TRHDE: variants seen among roughly 807,000 people sequenced by gnomAD.
TRHDE encodes thyrotropin-releasing hormone-degrading ectoenzyme.
In TRHDE, 72 loss-of-function variants were observed where a neutral mutation model predicts 125.7. That is an observed-to-expected ratio of 0.57 (90% CI 0.47 to 0.70). The LOEUF (loss-of-function observed/expected upper bound fraction) is 0.70. Among genes scored for constraint, TRHDE ranks in the 30% least tolerant of loss-of-function variants. The probability of loss-of-function intolerance (pLI) is 0.00; values close to 1 mark genes in which losing one functional copy is unlikely to be tolerated. For missense variants in TRHDE, 1,110 were observed against 1,327.1 expected (o/e 0.84, Z 2.54); for synonymous variants, 509 against 509.1 (o/e 1.00, Z 0.00).
intron 5 of TRHDE, among the ~76,000 whole-genome samples, chr12:72,475,276 A>G (rs756531006): frequency 2.6e-5 from 4 of 152,142 alleles, no homozygotes; most frequent in Non-Finnish European, 5.9e-5. Context: ...AATTTTTATT[A>G]TACTGTGGAT....
chr12:72,124,339 G>T (rs1212040582), intron 2 of TRHDE, among the ~76,000 whole-genome samples: 1 of 152,092 alleles, frequency 6.6e-6, no homozygotes, highest in African/African-American at 2.4e-5. Flanking sequence ...AGATCATATT[G>T]TCATAGGAGA....
At chr12:72,154,535 G>A (rs1390145078) in intron 2 of TRHDE, among the ~76,000 whole-genome samples, 1 of 152,190 alleles carries the variant, frequency 6.6e-6, no homozygotes, top group Non-Finnish European at 1.5e-5. Flanking sequence ...GCTGATACTG[G>A]TTTTCCTTTC....
At chr12:72,160,629 CAGTGAGCCGAG>C (rs1457444394) in intron 2 of TRHDE, among the ~76,000 whole-genome samples, 3 of 152,084 alleles carry the variant, frequency 2.0e-5, no homozygotes, top group African/African-American at 7.2e-5. Context: ...GCGGAGGTTA[CAGTGAGCCGAG>C]ACTGCGCCAC....
chr12:72,401,284 C>T (rs1018861570), intron 3 of TRHDE, among the ~76,000 whole-genome samples: 8 of 152,144 alleles, frequency 5.3e-5, no homozygotes, highest in Admixed American at 2.6e-4. Flanking sequence ...CCACTGAGGT[C>T]TTGCTATATA....
intron 2 of TRHDE, among the ~76,000 whole-genome samples, chr12:72,227,315 AG>A (rs1418515945): frequency 1.3e-5 from 2 of 152,226 alleles, no homozygotes; most frequent in African/African-American, 4.8e-5. Context: ...AAGAAGACAA[AG>A]GAGAAGAGCA....
rs534193052 is a variant in TRHDE at position 72,273,751 on chromosome 12, A to G, written c.914+194A>G. ...ATGCCTCGGGGTCTCGCTGCCGCCA[A>G]CTTCGCAAACTGACTCACCGGTGCC... is the stretch of plus-strand genomic sequence containing the variant. On this transcript the variant is annotated intron_variant, in intron 1 of 18. Coordinates refer to ENST00000261180, the MANE Select transcript of TRHDE (RefSeq NM_013381.3). This position sits in a 1 kb window ranked among gnomAD's most constrained non-coding sequence, Gnocchi z 5.3. 6 of 565,104 alleles carry G rather than the reference A, an allele frequency of 1.1e-5. No homozygotes were observed. The highest frequency in any genetic ancestry group is 3.7e-5 in the African/African-American group (2 of 53,674). 35.0% of individuals were successfully genotyped at this position (565,104 alleles called of 1,614,324 possible). A position where few individuals can be genotyped will look rare whatever the true frequency, so the allele number is the denominator to read the frequency against.
intron 5 of TRHDE, among the ~76,000 whole-genome samples, chr12:72,478,144 A>T (rs1245919116): frequency 1.3e-5 from 2 of 152,170 alleles, no homozygotes; most frequent in Non-Finnish European, 2.9e-5. Flanking sequence ...CTAGAAGGTG[A>T]TCCAAATGTT....
intron 2 of TRHDE, among the ~76,000 whole-genome samples, chr12:72,352,309 G>T (rs1870618203): frequency 6.6e-6 from 1 of 151,642 alleles, no homozygotes; most frequent in Non-Finnish European, 1.5e-5. Flanking sequence ...TATGGATGCA[G>T]ATAGAAACAA....
intron 2 of TRHDE, among the ~76,000 whole-genome samples, chr12:72,317,041 A>AT (rs1373142923): frequency 1.3e-5 from 2 of 152,220 alleles, no homozygotes; most frequent in African/African-American, 4.8e-5. Context: ...TATACTGAGC[A>AT]TCAGACACTA....
chr12:72,641,583 A>G (rs1441074611), intron 15 of TRHDE, among the ~76,000 whole-genome samples: 1 of 152,140 alleles, frequency 6.6e-6, no homozygotes, highest in Non-Finnish European at 1.5e-5. Context: ...GGTATATTTT[A>G]TTATATGACT....
At position 72,591,864 on chromosome 12, in the gene TRHDE, C is replaced by T. The variant is rs532424662; in HGVS notation, c.2321+16322C>T. Among the ~76,000 whole-genome samples, 38 of 151,450 alleles carry T rather than the reference C, an allele frequency of 2.5e-4. No individual in the cohort carries two copies. In the South Asian group the frequency reaches 7.9e-3, roughly 32 times the overall value. On this transcript the variant is annotated intron_variant, in intron 12 of 18. Coordinates refer to ENST00000261180, the MANE Select transcript of TRHDE (RefSeq NM_013381.3). The stretch of plus-strand genomic sequence containing the variant: ...CTGATGAGAAATCAGCCATTAATTT[C>T]CCATTATTTCTGTATGCAATTGTAT...
intron 2 of TRHDE, among the ~76,000 whole-genome samples, chr12:72,139,692 C>G (rs1437311432): frequency 1.3e-5 from 2 of 152,158 alleles, no homozygotes; most frequent in Admixed American, 6.6e-5. Context: ...ACTGTGCATT[C>G]TAAAGTATTG....
rs1874728593 is a variant in TRHDE at position 72,656,914 on chromosome 12, TTTTTC to T, written c.2985-8_2985-4del. On this transcript the variant is annotated splice_region_variant and splice_polypyrimidine_tract_variant and intron_variant, in intron 17 of 18. Coordinates refer to ENST00000261180, the MANE Select transcript of TRHDE (RefSeq NM_013381.3). ...GACCTGCATTGACATTAAGACTCTTTTTTTCTTTTGAGGTATGGAGAAGCATTGTT... is the reference window on the plus strand; with the variant it reads ...GACCTGCATTGACATTAAGACTCTTTTTTTGAGGTATGGAGAAGCATTGTT... 6.3e-7 allele frequency: 1 copy of T among 1,580,544 alleles called. No individual in the cohort carries two copies. Among genetic ancestry groups the T allele is most frequent in the Non-Finnish European group, 8.6e-7 (1 of 1,156,094 alleles).
At chr12:72,255,216 A>G (rs905936084) in intron 2 of TRHDE, 2 of 152,178 alleles carry the variant, frequency 1.3e-5, no homozygotes, top group African/African-American at 4.8e-5. Flanking sequence ...CCAATAACCA[A>G]TCCCAAGAGA....
chr12:72,430,925 T>C (rs559394038), intron 3 of TRHDE, among the ~76,000 whole-genome samples: 7 of 152,094 alleles, frequency 4.6e-5, no homozygotes, highest in African/African-American at 1.7e-4. Flanking sequence ...TAATAGGTTC[T>C]TTAATTTTCT....
At chr12:72,272,325 C>T, upstream of TRHDE, 1 of 360,108 alleles carries the variant, frequency 2.8e-6, no homozygotes. This position sits in a 1 kb window ranked among gnomAD's most constrained non-coding sequence, Gnocchi z 6.7. Context: ...GCCGCAGGCG[C>T]GCAGGGGCGG....
chr12:72,385,157 G>T (rs976014854), intron 3 of TRHDE, among the ~76,000 whole-genome samples: 27 of 152,000 alleles, frequency 1.8e-4, no homozygotes, highest in African/African-American at 3.6e-4. Flanking sequence ...ATCTCTGAGG[G>T]TTCTTTATAT....
At chr12:72,512,391 T>C (rs1157961711) in intron 6 of TRHDE, among the ~76,000 whole-genome samples, 1 of 141,012 alleles carries the variant, frequency 7.1e-6, no homozygotes, top group Non-Finnish European at 1.5e-5. Context: ...ATATAATATA[T>C]AATTATTATT....
chr12:72,553,852 T>C (rs1021729806), intron 7 of TRHDE, among the ~76,000 whole-genome samples: 21 of 148,260 alleles, frequency 1.4e-4, no homozygotes, highest in African/African-American at 4.5e-4. Context: ...TTTCCTTCTT[T>C]TTTTTTTTTT....
Sources: gnomAD v4.1 joint callset for allele counts (sites outside exome capture counted in the v4.1 genomes callset) on GRCh38, gnomAD v4.1.1 for gene constraint, Gnocchi (gnomAD v3.1) non-coding constraint, MANE v1.5 for transcripts, NCBI Gene and HGNC (gene_info 2026-07-23, HGNC 2026-07-21) for gene names.